The following CYBA variants were observed in gnomAD, a reference collection of about 807,000 sequenced individuals.
CYBA encodes the protein cytochrome b-245 alpha chain, also known as cytochrome b-245 light chain.
A neutral mutation model predicts 20.8 loss-of-function variants in CYBA; 21 were observed. The ratio of observed to expected loss-of-function variants is 1.01; its 90% CI spans 0.72 to 1.46. The LOEUF (loss-of-function observed/expected upper bound fraction) is 1.46, where lower values mean the gene tolerates loss of function less well. CYBA is among the 40% of genes most tolerant of loss of function. CYBA has a pLI of 0.00. For synonymous variants in CYBA, 164 were observed against 127.5 expected (o/e 1.29, Z -1.93); for missense variants, 344 against 287.0 (o/e 1.20, Z -1.43).
chr16:88,646,266 T>C (rs2142874158), intron 4 of CYBA, 69 bp from the exon 5 acceptor site: 1 of 767,744 alleles, frequency 1.3e-6, no homozygotes, highest in Non-Finnish European at 1.6e-6. Flanking sequence ...GCCCCAGGTC[T>C]GGGGGCCAAG....
intron 5 of CYBA, chr16:88,645,604 G>C (rs141977149): frequency 1.8e-5 from 11 of 607,940 alleles, no homozygotes; most frequent in Non-Finnish European, 3.2e-5. Flanking sequence ...TGGCCTCTCA[G>C]AGAGATCACT....
chr16:88,650,294 G>T (rs1027493834), intron 1 of CYBA: 1 of 442,364 alleles, frequency 2.3e-6, no homozygotes, highest in Admixed American at 2.4e-5. Context: ...TCCCGAGAGG[G>T]TCCATTTCCA....
At chr16:88,646,434 G>T (rs2142874503) in intron 4 of CYBA, 6 of 425,730 alleles carry the variant, frequency 1.4e-5, no homozygotes, top group South Asian at 9.5e-5. Context: ...CCTGGCCTCA[G>T]CCGGCAGTAA....
chr16:88,647,075 A>G (rs1272932790), intron 3 of CYBA, 26 bp downstream of exon 3: 1 of 1,600,724 alleles, frequency 6.2e-7, no homozygotes, highest in Non-Finnish European at 8.5e-7. Context: ...GCCCCCGGAG[A>G]GACCCCAGAG....
rs72558358 is a variant in CYBA, at chr16:88,649,255, C to T, written c.59-1141G>A. 3.6e-3 allele frequency among the ~76,000 whole-genome samples: 542 copies of T among 152,306 alleles called. 1 individual carries two copies. Among genetic ancestry groups the T allele is most frequent in the African/African-American group, 0.012 (498 of 41,580 alleles). The stretch of plus-strand genomic sequence containing the variant: ...CCTGCCAGCCATTCTGTTTTTGTCT[C>T]CACATGGTCTTGTTGGAAGATTTCC... On this transcript the variant is annotated intron_variant, in intron 1 of 5. Transcript: ENST00000261623.
intron 2 of CYBA, 103 bp downstream of exon 2, chr16:88,647,942 G>A: frequency 8.7e-7 from 1 of 1,151,044 alleles, no homozygotes; most frequent in Non-Finnish European, 1.3e-6. Flanking sequence ...GTCCCAGCCT[G>A]GCTGCGGTGG....
rs898809017 is a variant in CYBA at position 88,643,443 on chromosome 16, C to T, written c.498G>A (p.Lys166=). ...PPRPPAEARK[K]PSEEEAAVAA... is the part of the protein sequence containing the mutation. Reference sequence around the variant, plus strand: ...CCACCGCAGCCTCCTCCTCGCTGGGCTTCTTGCGGGCCTCGGCCGGGGGCC... The same window carrying T: ...CCACCGCAGCCTCCTCCTCGCTGGGTTTCTTGCGGGCCTCGGCCGGGGGCC... The change falls in exon 6 of 6, where the codon AAG becomes AAA. Residue 166 remains lysine (K), a synonymous_variant. Coordinates refer to ENST00000261623, the MANE Select transcript of CYBA (RefSeq NM_000101.4). The surrounding 1 kb of genome is among the most constrained non-coding windows in gnomAD (Gnocchi z 4.3). 1.7e-5 allele frequency: 26 copies of T among 1,534,964 alleles called. No homozygotes were observed. Among genetic ancestry groups the T allele is most frequent in the Non-Finnish European group, 2.3e-5 (26 of 1,144,086 alleles).
Position 88,643,701 on chromosome 16 carries a change from C to T in CYBA, c.370-130G>A. On this transcript the variant is annotated intron_variant, in intron 5 of 5. Transcript: ENST00000261623. This position sits in a 1 kb window ranked among gnomAD's most constrained non-coding sequence, Gnocchi z 4.3. ...CTGAATCCCACGCAGGATGGTGTGA[C>T]TGCCACTCAGAGAGGTTAAGTGACG... 1.1e-6 allele frequency: 1 copy of T among 892,666 alleles called. No individual in the cohort carries two copies. The highest frequency in any genetic ancestry group is 1.7e-6 in the Non-Finnish European group (1 of 579,984). 55.3% of individuals were successfully genotyped at this position (892,666 alleles called of 1,614,324 possible).
In CYBA at chr16:88,643,671, C is replaced by G. The variant is rs1907173773; in HGVS notation, c.370-100G>C. The stretch of plus-strand genomic sequence containing the variant: ...CCCGCTAGGGGCCCTGGGACAGGCT[C>G]AAGTCTGAATCCCACGCAGGATGGT... On this transcript the variant is annotated intron_variant, in intron 5 of 5. Transcript: ENST00000261623. The surrounding 1 kb of genome is among the most constrained non-coding windows in gnomAD (Gnocchi z 4.3). 1.8e-6 allele frequency: 2 copies of G among 1,137,934 alleles called. No individual in the cohort carries two copies. Among genetic ancestry groups the G allele is most frequent in the African/African-American group, 1.6e-5 (1 of 63,188 alleles). 70.5% of individuals were successfully genotyped at this position (1,137,934 alleles called of 1,614,324 possible).
intron 3 of CYBA, 72 bp from the exon 4 acceptor site, chr16:88,646,910 AC>A: frequency 7.4e-7 from 1 of 1,357,292 alleles, no homozygotes; most frequent in Non-Finnish European, 1.1e-6. Context: ...TGCCCTGCTG[AC>A]CACCCCAGGG....
At chr16:88,647,922 C>T in intron 2 of CYBA, 123 bp downstream of exon 2, 1 of 987,530 alleles carries the variant, frequency 1.0e-6, no homozygotes, top group Non-Finnish European at 1.5e-6. Flanking sequence ...CCGTGCACAG[C>T]CCACCCTGTG....
At chr16:88,648,623 T>C (rs1286856454) in intron 1 of CYBA, among the ~76,000 whole-genome samples, 1 of 151,618 alleles carries the variant, frequency 6.6e-6, no homozygotes, top group Non-Finnish European at 1.5e-5. Flanking sequence ...CCTTACTGTT[T>C]TTTTTTTTTT....
chr16:88,650,620 G>C (rs574964788), intron 1 of CYBA: 4 of 529,800 alleles, frequency 7.6e-6, no homozygotes, highest in East Asian at 8.0e-5. Context: ...GGGCTTCGGG[G>C]CGGTGACCCC....
Position 88,643,357 on chromosome 16 carries a change from A to G in CYBA, c.584T>C (p.Val195Ala). 6.6e-7 allele frequency: 1 copy of G among 1,521,664 alleles called. No individual in the cohort carries two copies. Among genetic ancestry groups the G allele is most frequent in the Non-Finnish European group, 8.8e-7 (1 of 1,136,826 alleles). 94.3% of individuals were successfully genotyped at this position (1,521,664 alleles called of 1,614,324 possible). A position where few individuals can be genotyped will look rare whatever the true frequency, so the allele number is the denominator to read the frequency against. The change falls in exon 6 of 6, where the codon GTG becomes GCG. Residue 195 changes from valine to alanine, a missense_variant. Physicochemically the swap from Val to Ala is moderately conservative, Grantham distance 64. Coordinates refer to ENST00000261623, the MANE Select transcript of CYBA (RefSeq NM_000101.4). The surrounding 1 kb of genome is among the most constrained non-coding windows in gnomAD (Gnocchi z 4.3). The part of the protein sequence containing the change: ...VNPIPVTDEV[V>A] ...GAGGGCAGGTCCGGGGCGAGGTCAC[A>G]CGACCTCGTCGGTCACCGGGATGGG... is the stretch of plus-strand genomic sequence containing the variant.
Position 88,643,409 on chromosome 16 carries a change from C to A in CYBA, c.532G>T (p.Gly178Ter). 1.3e-6 allele frequency: 2 copies of A among 1,534,298 alleles called. No homozygotes were observed. The highest frequency in any genetic ancestry group is 1.7e-6 in the Non-Finnish European group (2 of 1,143,406). ...TTGACCTGGGGACCTCCCGGGGGTCCCCCCGCCGCCACCGCAGCCTCCTCC... is the reference window on the plus strand; with the variant it reads ...TTGACCTGGGGACCTCCCGGGGGTCACCCCGCCGCCACCGCAGCCTCCTCC... The part of the protein sequence containing the change: ...SEEEAAVAAG[G>*]PPGGPQVNPI... The change falls in exon 6 of 6, where the codon GGA (glycine) becomes TGA (stop). Residue 178 changes from glycine (G) to a stop codon, truncating the protein, a stop_gained. Coordinates refer to ENST00000261623, the MANE Select transcript of CYBA (RefSeq NM_000101.4). LOFTEE classifies it high-confidence loss of function. This position sits in a 1 kb window ranked among gnomAD's most constrained non-coding sequence, Gnocchi z 4.3.
At position 88,649,389 on chromosome 16, in the gene CYBA, CTT is replaced by C. The variant is rs386794030; in HGVS notation, c.59-1277_59-1276del. Among the ~76,000 whole-genome samples the C allele has an allele frequency of 5.2e-3, 786 of 152,304 alleles. 5 individuals are homozygous for C. Among genetic ancestry groups the C allele is most frequent in the African/African-American group, 0.018 (753 of 41,564 alleles). On this transcript the variant is annotated intron_variant, in intron 1 of 5. Coordinates refer to ENST00000261623, the MANE Select transcript of CYBA (RefSeq NM_000101.4). Reference sequence around the variant, plus strand: ...TCTACTCAGCCAATTGTCCATGCATCTTTGGGGACCGTCCTGGTCCCGAGCCT... The same window carrying C: ...TCTACTCAGCCAATTGTCCATGCATCTGGGGACCGTCCTGGTCCCGAGCCT...
intron 1 of CYBA, chr16:88,650,224 C>T (rs1308853480): frequency 2.1e-5 from 8 of 379,054 alleles, no homozygotes; most frequent in South Asian, 1.3e-4. Flanking sequence ...GTGCCTCTGC[C>T]CTCAGACCTC....
Position 88,645,074 on chromosome 16 carries a change from G to A in CYBA, c.369+1042C>T, listed in dbSNP as rs537717037. 4.7e-4 allele frequency: 313 copies of A among 663,088 alleles called. 2 individuals are homozygous for A. The highest frequency in any genetic ancestry group is 1.9e-3 in the Middle Eastern group (5 of 2,584). 41.1% of individuals were successfully genotyped at this position (663,088 alleles called of 1,614,324 possible). The stretch of plus-strand genomic sequence containing the variant: ...TGTCTGCTGAGGAGCAGCTGAGCCC[G>A]GCAGGGTGAACGGTGCAGAGGCTGA... On this transcript the variant is annotated intron_variant, in intron 5 of 5. Transcript: ENST00000261623.
chr16:88,649,436 A>G (rs1033317350), intron 1 of CYBA, among the ~76,000 whole-genome samples: 1 of 152,182 alleles, frequency 6.6e-6, no homozygotes, highest in African/African-American at 2.4e-5. Context: ...AAGAGGGTGC[A>G]AAGCTGCCGC....
Sources: gnomAD v4.1 joint callset for allele counts (sites outside exome capture counted in the v4.1 genomes callset) on GRCh38, gnomAD v4.1.1 for gene constraint, Gnocchi (gnomAD v3.1) non-coding constraint, MANE v1.5 for transcripts, NCBI Gene and HGNC (gene_info 2026-07-23, HGNC 2026-07-21) for gene names.